SYT1: variants seen among roughly 807,000 people sequenced by gnomAD.
SYT1 encodes synaptotagmin-1.
SYT1 carries 8 observed loss-of-function variants against 44.8 expected under a neutral mutation model. The observed-to-expected ratio is 0.18, with a 90% CI of 0.10 to 0.32. The LOEUF is 0.32. SYT1 is among the 10% of genes least tolerant of loss of function. The pLI is 1.00. For missense variants in SYT1, 286 were observed against 509.3 expected, an observed-to-expected ratio of 0.56 and a Z score of 4.22; for synonymous variants, 154 against 188.8, an observed-to-expected ratio of 0.82 and a Z score of 1.51.
intron 9 of SYT1, chr12:79,393,290 T>C (rs4258441): frequency 0.15 from 22,691 of 152,186 alleles, 2,046 homozygotes; most frequent in Middle Eastern, 0.35. Flanking sequence ...TTTGTAGTAG[T>C]GTGACTTATA....
rs368525782 is a variant in SYT1 at position 79,409,404 on chromosome 12, G to A, written c.929-34669G>A. Among the ~76,000 whole-genome samples the A allele has an allele frequency of 4.1e-4, 62 of 152,084 alleles. No individual in the cohort carries two copies. In the South Asian group the frequency reaches 0.013, roughly 31 times the overall value. ...TTTTAAAGTATTGCAGTATCAGTTT[G>A]GTATTATGGTAGAGGATTTATAAGC... On this transcript the variant is annotated intron_variant, in intron 9 of 10. Coordinates refer to ENST00000261205, the MANE Select transcript of SYT1 (RefSeq NM_005639.3).
intron 9 of SYT1, among the ~76,000 whole-genome samples, chr12:79,365,453 G>C (rs1883501689): frequency 6.6e-6 from 1 of 151,982 alleles, no homozygotes; most frequent in African/African-American, 2.4e-5. Context: ...CTCTTGGATA[G>C]GGAACAATAT....
intron 4 of SYT1, among the ~76,000 whole-genome samples, chr12:79,221,017 A>G (rs1276988557): frequency 1.3e-5 from 2 of 152,056 alleles, no homozygotes; most frequent in South Asian, 2.1e-4. Context: ...ATTACTGAAA[A>G]TGGGGTGTTA....
chr12:79,068,935 T>C (rs1355528468), intron 3 of SYT1, among the ~76,000 whole-genome samples: 1 of 152,176 alleles, frequency 6.6e-6, no homozygotes, highest in African/African-American at 2.4e-5. Context: ...AAACTCAACA[T>C]ATCATAAATA....
chr12:79,275,623 C>T (rs1878674211), intron 4 of SYT1, among the ~76,000 whole-genome samples: 2 of 152,282 alleles, frequency 1.3e-5, no homozygotes, highest in South Asian at 4.1e-4. Flanking sequence ...CCCTCCCTCC[C>T]CTGTAAAGAT....
intron 2 of SYT1, among the ~76,000 whole-genome samples, chr12:78,992,983 A>G (rs1156706772): frequency 6.6e-6 from 1 of 152,168 alleles, no homozygotes; most frequent in Admixed American, 6.5e-5. Context: ...AATTCTCTAT[A>G]TGTTTCCTCT....
chr12:79,432,319 C>T (rs1326979825), intron 9 of SYT1, among the ~76,000 whole-genome samples: 3 of 151,716 alleles, frequency 2.0e-5, no homozygotes, highest in South Asian at 2.1e-4. Context: ...CCCATTAACT[C>T]GTCATTTACA....
chr12:79,314,272 G>A (rs1020819074), intron 8 of SYT1, among the ~76,000 whole-genome samples: 4 of 151,690 alleles, frequency 2.6e-5, no homozygotes, highest in Admixed American at 2.0e-4. Context: ...CTGATGACTA[G>A]ATTTACATCC....
intron 3 of SYT1, among the ~76,000 whole-genome samples, chr12:79,106,501 G>GA (rs1878726083): frequency 6.8e-6 from 1 of 146,066 alleles, no homozygotes; most frequent in Non-Finnish European, 1.5e-5. Context: ...TGTTTATAAT[G>GA]CTTTTTTTTT....
chr12:79,047,471 A>G (rs536347953), intron 3 of SYT1, 109 bp downstream of exon 3: 1 of 152,000 alleles, frequency 6.6e-6, no homozygotes, highest in East Asian at 1.9e-4. Context: ...AAATTAGTAG[A>G]GGAAGCAAGT....
At chr12:78,989,756 T>G (rs1276413043) in intron 2 of SYT1, among the ~76,000 whole-genome samples, 4 of 152,140 alleles carry the variant, frequency 2.6e-5, no homozygotes, top group Admixed American at 6.6e-5. Context: ...AAGTATGAGT[T>G]ATTACTTGTG....
intron 1 of SYT1, among the ~76,000 whole-genome samples, chr12:78,886,033 C>T (rs1346075774): frequency 6.6e-6 from 1 of 151,880 alleles, no homozygotes; most frequent in Non-Finnish European, 1.5e-5. Flanking sequence ...TGGAGTTTAA[C>T]TTCCCTCATA....
intron 1 of SYT1, among the ~76,000 whole-genome samples, chr12:78,927,378 C>A (rs890840432): frequency 6.6e-5 from 10 of 152,080 alleles, no homozygotes; most frequent in Admixed American, 1.3e-4. Flanking sequence ...AAGATTATTT[C>A]TATGAAAATT....
chr12:79,131,112 GTTTTC>G (rs1868786404), intron 3 of SYT1, among the ~76,000 whole-genome samples: 1 of 145,106 alleles, frequency 6.9e-6, no homozygotes, highest in Non-Finnish European at 1.5e-5. Context: ...GTGCATGTGT[GTTTTC>G]TTTTTTTTTT....
intron 5 of SYT1, 93 bp from the exon 6 acceptor site, chr12:79,291,915 T>C (rs1879605763): frequency 1.3e-6 from 2 of 1,483,332 alleles, no homozygotes; most frequent in Admixed American, 1.7e-5. Context: ...AGTGCTTGCT[T>C]CGAACAGCTT....
At chr12:79,200,483 A>G (rs1472200345) in intron 3 of SYT1, among the ~76,000 whole-genome samples, 1 of 152,074 alleles carries the variant, frequency 6.6e-6, no homozygotes, top group African/African-American at 2.4e-5. Flanking sequence ...GCAAACAAGA[A>G]GCAAAGCACA....
intron 4 of SYT1, among the ~76,000 whole-genome samples, chr12:79,218,566 T>TA (rs1381370865): frequency 6.6e-6 from 1 of 152,230 alleles, no homozygotes; most frequent in Non-Finnish European, 1.5e-5. Flanking sequence ...ACCACCATTC[T>TA]ACTCTCTACT....
chr12:78,970,805 A>G (rs1462188350), intron 1 of SYT1, among the ~76,000 whole-genome samples: 1 of 152,124 alleles, frequency 6.6e-6, no homozygotes, highest in Non-Finnish European at 1.5e-5. Context: ...TATGAGCTAC[A>G]CATTTTAATT....
intron 2 of SYT1, among the ~76,000 whole-genome samples, chr12:79,010,962 G>A (rs117361155): frequency 6.6e-6 from 1 of 152,180 alleles, no homozygotes; most frequent in Non-Finnish European, 1.5e-5. Flanking sequence ...AAGGACAGAG[G>A]TGTCTTGGTC....
Sources: allele counts gnomAD v4.1 joint callset (sites outside exome capture counted in the v4.1 genomes callset), GRCh38; gene constraint gnomAD v4.1.1; transcripts MANE v1.5; gene names NCBI Gene and HGNC (gene_info 2026-07-23, HGNC 2026-07-21).